Variants in PHLDB3 observed in about 807,000 individuals in gnomAD.
PHLDB3 encodes the protein pleckstrin homology like domain family B member 3, also known as pleckstrin homology-like domain family B member 3.
A neutral mutation model predicts 85.7 loss-of-function variants in PHLDB3; 86 were observed. The ratio of observed to expected loss-of-function variants is 1.00; its 90% confidence interval spans 0.84 to 1.20. The LOEUF is 1.20. PHLDB3 is among the 50% of genes most tolerant of loss of function. PHLDB3 has a pLI of 0.00. For synonymous variants in PHLDB3, 376 were observed against 349.8 expected, an observed-to-expected ratio of 1.07 and a Z score of -0.83; for missense variants, 995 against 873.0, an observed-to-expected ratio of 1.14 and a Z score of -1.76.
rs1971183551 is a variant in PHLDB3 at position 43,487,036 on chromosome 19, A to G, written c.1237T>C (p.Phe413Leu). 6.4e-7 allele frequency: 1 copy of G among 1,569,802 alleles called. No individual in the cohort carries two copies. The highest frequency in any genetic ancestry group is 8.6e-7 in the Non-Finnish European group (1 of 1,160,392). Residue 413 changes from phenylalanine (F) to leucine (L), a missense_variant, in exon 10 of 16, where the codon TTC becomes CTC. Physicochemically the swap from Phe to Leu is conservative, Grantham distance 22. Transcript: ENST00000292140. ...GGGGGATCCTCACCAGTACAATGGA[A>G]GGACAGAGGTCGGGGGGATCCTCTC... ...SQRGSPRPLSFHCTESLEASA... is the reference protein window; with the variant it reads ...SQRGSPRPLSLHCTESLEASA...
chr19:43,476,058 G>A (rs1483962161), intron 15 of PHLDB3, among the ~76,000 whole-genome samples: 3 of 152,180 alleles, frequency 2.0e-5, no homozygotes, highest in Admixed American at 6.5e-5. Context: ...GCCTCCCAGA[G>A]TGCTGGGCTT....
rs1365650805 is a variant in PHLDB3, at chr19:43,503,955, T to G, written c.164A>C (p.Glu55Ala). 1.2e-6 allele frequency: 2 copies of G among 1,613,798 alleles called. No homozygotes were observed. The highest frequency in any genetic ancestry group is 1.7e-6 in the Non-Finnish European group (2 of 1,179,818). ...GCTGCCTTCTCCCACTTCTTCTTCCTCTGCCTGCTGCTCAGCTCCCCCGCG... is the reference window on the plus strand; with the variant it reads ...GCTGCCTTCTCCCACTTCTTCTTCCGCTGCCTGCTGCTCAGCTCCCCCGCG... ...SSRGGAEQQAEEEEVGEGSST... is the reference protein window; with the variant it reads ...SSRGGAEQQAAEEEVGEGSST... Residue 55 changes from glutamate to alanine, a missense_variant, in exon 2 of 16, where the codon GAG (glutamate) becomes GCG (alanine). Glu to Ala is a moderately radical substitution (Grantham distance 107). Coordinates refer to ENST00000292140, the MANE Select transcript of PHLDB3 (RefSeq NM_198850.4).
At chr19:43,479,935 C>A (rs1391702743) in intron 13 of PHLDB3, among the ~76,000 whole-genome samples, 1 of 151,882 alleles carries the variant, frequency 6.6e-6, no homozygotes, top group Non-Finnish European at 1.5e-5. Flanking sequence ...GTATTTCTGA[C>A]CCTAGAGCTC....
intron 9 of PHLDB3, among the ~76,000 whole-genome samples, chr19:43,494,150 C>T (rs1004431610): frequency 6.6e-6 from 1 of 152,140 alleles, no homozygotes; most frequent in Non-Finnish European, 1.5e-5. Context: ...TCTCGTGCCT[C>T]AGCCCTGCAT....
chr19:43,495,115 G>A (rs1055421314), intron 8 of PHLDB3, 141 bp downstream of exon 8: 90 of 827,206 alleles, frequency 1.1e-4, no homozygotes, highest in Non-Finnish European at 1.6e-4. Flanking sequence ...GTCTGAGGGA[G>A]GAGGGGCTGG....
chr19:43,479,230 G>C (rs1451654885), intron 14 of PHLDB3, 147 bp downstream of exon 14: 1 of 760,090 alleles, frequency 1.3e-6, no homozygotes, highest in Non-Finnish European at 2.1e-6. Context: ...CTCCTGGGTT[G>C]TAGGGAAGTT....
intron 14 of PHLDB3, among the ~76,000 whole-genome samples, chr19:43,478,844 G>A (rs1291403770): frequency 2.0e-5 from 3 of 152,188 alleles, no homozygotes; most frequent in Non-Finnish European, 4.4e-5. Flanking sequence ...GAGCCGGGGA[G>A]GTGGAGGTTG....
rs544998801 is a variant in PHLDB3, at chr19:43,502,818, A to C, written c.214-535T>G. On this transcript the variant is annotated intron_variant, in intron 2 of 15. Coordinates refer to ENST00000292140, the MANE Select transcript of PHLDB3 (RefSeq NM_198850.4). Reference sequence around the variant, plus strand: ...GCAAGTCCCGTGACCACCCAACCACACGGACCACAGAGGCTTGCAGTACCG... The same window carrying C: ...GCAAGTCCCGTGACCACCCAACCACCCGGACCACAGAGGCTTGCAGTACCG... Among the ~76,000 whole-genome samples, 104 of 152,100 alleles carry C rather than the reference A, an allele frequency of 6.8e-4. 2 individuals are homozygous for C. In the South Asian group the frequency reaches 0.021, roughly 30 times the overall value.
At chr19:43,503,280 G>GTCTCTCTCTCTCTCTCTCTCTCTCTC (rs57901463) in intron 2 of PHLDB3, among the ~76,000 whole-genome samples, 1 of 141,890 alleles carries the variant, frequency 7.0e-6, no homozygotes, top group African/African-American at 2.6e-5. Flanking sequence ...TGTCTATCTG[G>GTCTCTCTCTCTCTCTCTCTCTCTCTC]TCTCTCTCTC....
In PHLDB3 at chr19:43,486,266, C is replaced by T. The variant is rs553825315; in HGVS notation, c.1485G>A (p.Thr495=). The T allele has an allele frequency of 2.2e-5, 35 of 1,610,180 alleles. No individual in the cohort carries two copies. In the East Asian group the frequency reaches 5.4e-4, roughly 25 times the overall value. ...GCGTGAGGGCGGGGGTGGGACTGAC[C>T]GTGATGGCAGGAACAGCAGGGCCTG... The part of the protein sequence containing the change: ...GSSGPAVPAI[T]APPTPPHPPG... Residue 495 remains threonine, a splice_region_variant and synonymous_variant, in exon 13 of 16, where the codon ACG becomes ACA. Coordinates refer to ENST00000292140, the MANE Select transcript of PHLDB3 (RefSeq NM_198850.4).
At chr19:43,488,080 G>A (rs533160145) in intron 9 of PHLDB3, among the ~76,000 whole-genome samples, 12 of 151,888 alleles carry the variant, frequency 7.9e-5, no homozygotes, top group South Asian at 2.1e-4. Flanking sequence ...CTTGAACCTG[G>A]GAGGCAAAGG....
At chr19:43,491,755 C>T (rs1438159075) in intron 9 of PHLDB3, among the ~76,000 whole-genome samples, 1 of 151,606 alleles carries the variant, frequency 6.6e-6, no homozygotes, top group Non-Finnish European at 1.5e-5. Context: ...CAACCTCCGC[C>T]TCCCAGGTTC....
intron 15 of PHLDB3, among the ~76,000 whole-genome samples, chr19:43,477,452 G>A (rs1219870811): frequency 6.6e-6 from 1 of 150,500 alleles, no homozygotes; most frequent in East Asian, 1.9e-4. Context: ...GGGAGGCAGA[G>A]GTTGCAGTGA....
At chr19:43,480,558 A>C (rs1971025185) in intron 13 of PHLDB3, among the ~76,000 whole-genome samples, 1 of 152,268 alleles carries the variant, frequency 6.6e-6, no homozygotes, top group South Asian at 2.1e-4. Context: ...GCACCACTGC[A>C]CTCCAGCCTG....
intron 6 of PHLDB3, 196 bp from the exon 7 acceptor site, chr19:43,495,816 G>A (rs1211820582): frequency 3.0e-6 from 2 of 666,414 alleles, no homozygotes; most frequent in African/African-American, 1.8e-5. Context: ...GAGATCTGGG[G>A]AAGATGAAGA....
intron 2 of PHLDB3, 30 bp downstream of exon 2, chr19:43,503,876 C>T (rs773370177): frequency 2.5e-6 from 4 of 1,612,788 alleles, no homozygotes; most frequent in South Asian, 2.2e-5. Context: ...CGGTCCAAGC[C>T]CCCCGCGCTG....
chr19:43,497,627 G>A (rs905622485), intron 5 of PHLDB3, 121 bp downstream of exon 5: 8 of 1,064,866 alleles, frequency 7.5e-6, no homozygotes, highest in African/African-American at 3.2e-5. Flanking sequence ...TGGGAGAATC[G>A]CTTGAACCTG....
In PHLDB3 at chr19:43,487,065, C is replaced by T. The variant is rs138387298; in HGVS notation, c.1208G>A (p.Ser403Asn). ...CAGAGGTCGGGGGGATCCTCTCTGG[C>T]TCCCCCTCTCCCCCCTTTTCCGGGG... ...SLPRKRGERG[S>N]QRGSPRPLSF... Residue 403 changes from serine (S) to asparagine (N), a missense_variant, in exon 10 of 16, where the codon AGC becomes AAC. Ser to Asn is a conservative substitution (Grantham distance 46). Coordinates refer to ENST00000292140, the MANE Select transcript of PHLDB3 (RefSeq NM_198850.4). The T allele has an allele frequency of 7.7e-3, 12,203 of 1,577,408 alleles. 66 individuals are homozygous for T. Among genetic ancestry groups the T allele is most frequent in the South Asian group, 0.016 (1,365 of 85,506 alleles).
Position 43,486,420 on chromosome 19 carries a change from G to T in PHLDB3, c.1429-98C>A, listed in dbSNP as rs1599940426. 3.0e-6 allele frequency: 4 copies of T among 1,341,800 alleles called. No homozygotes were observed. The East Asian group carries it at 7.5e-5, about 25-fold the overall frequency. 83.1% of individuals were successfully genotyped at this position (1,341,800 alleles called of 1,614,324 possible). The stretch of plus-strand genomic sequence containing the variant: ...AGCTTCTCTGTTCTGAGGGTACAGG[G>T]ACTGGGGGCCTGGACTCCTGGGTAT... On this transcript the variant is annotated intron_variant, in intron 12 of 15. Coordinates refer to ENST00000292140, the MANE Select transcript of PHLDB3 (RefSeq NM_198850.4).
Sources: allele counts gnomAD v4.1 joint callset (sites outside exome capture counted in the v4.1 genomes callset), GRCh38; gene constraint gnomAD v4.1.1; transcripts MANE v1.5; gene names NCBI Gene and HGNC (gene_info 2026-07-23, HGNC 2026-07-21).